Variants in HS6ST2 observed in about 807,000 individuals in gnomAD.
HS6ST2 encodes heparan-sulfate 6-O-sulfotransferase 2.
A neutral mutation model predicts 33.0 loss-of-function variants in HS6ST2; 17 were observed. The observed-to-expected ratio is 0.52, with a 90% CI of 0.35 to 0.77. The LOEUF (loss-of-function observed/expected upper bound fraction) is 0.77, where lower values mean the gene tolerates loss of function less well. Among genes scored for constraint, HS6ST2 ranks in the 30% least tolerant of loss-of-function variants. The probability of loss-of-function intolerance (pLI) is 0.01; values close to 1 mark genes in which losing one functional copy is unlikely to be tolerated. For synonymous variants in HS6ST2, 248 were observed against 237.1 expected, an observed-to-expected ratio of 1.05 and a Z score of -0.42; for missense variants, 519 against 551.7, an observed-to-expected ratio of 0.94 and a Z score of 0.59.
At chrX:132,831,114 T>C (rs1399172038) in intron 2 of HS6ST2, among the ~76,000 whole-genome samples, 1 of 111,344 alleles carries the variant, frequency 9.0e-6, no homozygotes, top group East Asian at 2.8e-4. Flanking sequence ...TTCCTTTAGG[T>C]CTCTGAGACC....
At chrX:132,958,137 G>C (rs2067107685) in intron 1 of HS6ST2, 38 bp downstream of exon 1, 1 of 1,085,117 alleles carries the variant, frequency 9.2e-7, no homozygotes, top group Admixed American at 3.5e-5. Flanking sequence ...TCGCGCCCTG[G>C]CCTGGGAGCG....
intron 4 of HS6ST2, among the ~76,000 whole-genome samples, chrX:132,637,774 A>AAT: frequency 1.4e-5 from 1 of 71,189 alleles, no homozygotes; most frequent in Admixed American, 2.2e-4. Context: ...TTATATATTT[A>AAT]TATATATAAT....
chrX:132,669,403 C>G (rs969484248), intron 3 of HS6ST2, among the ~76,000 whole-genome samples: 5 of 106,665 alleles, frequency 4.7e-5, no homozygotes, highest in African/African-American at 1.4e-4. Context: ...GTGGGAACCA[C>G]TGGTCAAGTT....
intron 4 of HS6ST2, among the ~76,000 whole-genome samples, chrX:132,649,459 A>G (rs1032712815): frequency 1.2e-4 from 13 of 112,158 alleles, no homozygotes; most frequent in African/African-American, 3.2e-4. Context: ...AGAAGACTGC[A>G]CCTTTCCTTA....
intron 2 of HS6ST2, among the ~76,000 whole-genome samples, chrX:132,952,044 TA>T (rs1449030381): frequency 2.7e-5 from 3 of 112,092 alleles, no homozygotes; most frequent in African/African-American, 9.7e-5. Context: ...GCTATTCTTT[TA>T]ATGTCATTAC....
chrX:132,685,524 G>T (rs1399472250), intron 3 of HS6ST2, among the ~76,000 whole-genome samples: 1 of 111,068 alleles, frequency 9.0e-6, no homozygotes. Flanking sequence ...ATGCATGCTG[G>T]TCCTCTCAAA....
chrX:132,909,127 A>C (rs1412831954), intron 2 of HS6ST2, among the ~76,000 whole-genome samples: 1 of 111,508 alleles, frequency 9.0e-6, no homozygotes, highest in African/African-American at 3.3e-5. Context: ...ATTAGAGACA[A>C]TGGGTAGCTA....
At chrX:132,757,068 G>A (rs1261660833) in intron 2 of HS6ST2, among the ~76,000 whole-genome samples, 3 of 111,692 alleles carry the variant, frequency 2.7e-5, no homozygotes, top group Non-Finnish European at 3.8e-5. Flanking sequence ...ACATAGATGT[G>A]TAATCTAACA....
intron 4 of HS6ST2, among the ~76,000 whole-genome samples, chrX:132,652,310 AGATGATC>A (rs2063699405): frequency 8.9e-6 from 1 of 112,104 alleles, no homozygotes; most frequent in South Asian, 3.8e-4. Context: ...TCTATCTCCA[AGATGATC>A]GATGACCCAA....
chrX:132,666,567 T>A (rs756535692), intron 4 of HS6ST2, among the ~76,000 whole-genome samples: 6 of 111,281 alleles, frequency 5.4e-5, no homozygotes, highest in Non-Finnish European at 1.1e-4. Context: ...TTCATGAGCT[T>A]TTGGTAGGCA....
intron 2 of HS6ST2, among the ~76,000 whole-genome samples, chrX:132,810,447 CAGAAAGAG>C (rs1237764218): frequency 9.2e-6 from 1 of 108,829 alleles, no homozygotes; most frequent in African/African-American, 3.4e-5. Context: ...AAGAGAGAGA[CAGAAAGAG>C]AGAAAGAGAG....
chrX:132,924,709 G>A (rs764450315), intron 2 of HS6ST2, among the ~76,000 whole-genome samples: 14 of 111,543 alleles, frequency 1.3e-4, no homozygotes, highest in South Asian at 7.6e-4. Context: ...AGTTGTTGAC[G>A]GGGCATGGTG....
chrX:132,859,937 G>A (rs977071349), intron 2 of HS6ST2, among the ~76,000 whole-genome samples: 4 of 105,570 alleles, frequency 3.8e-5, no homozygotes, highest in Non-Finnish European at 5.8e-5. Flanking sequence ...GAGGGAGGGA[G>A]GGAGGGAAAA....
At chrX:132,891,384 T>TA (rs756958078) in intron 2 of HS6ST2, among the ~76,000 whole-genome samples, 22 of 109,593 alleles carry the variant, frequency 2.0e-4, no homozygotes, top group Admixed American at 5.8e-4. Flanking sequence ...TTTTTTATTT[T>TA]TTTTTTTATT....
intron 3 of HS6ST2, among the ~76,000 whole-genome samples, chrX:132,695,493 G>A (rs1186404920): frequency 8.9e-6 from 1 of 111,758 alleles, no homozygotes; most frequent in Non-Finnish European, 1.9e-5. Context: ...TTTCCCAAAG[G>A]GGTACCTACT....
Position 132,628,145 on chromosome X carries a change from G to T in HS6ST2, c.*78C>A. On this transcript the variant is annotated 3_prime_UTR_variant, in exon 5 of 5. Coordinates refer to ENST00000370833, the MANE Select transcript of HS6ST2 (RefSeq NM_001394073.1). Reference sequence around the variant, plus strand: ...CCAATGAAGGAAGCAGGATGTGTTTGGACACTTTCATCTTTTAAGCTATGC... The same window carrying T: ...CCAATGAAGGAAGCAGGATGTGTTTTGACACTTTCATCTTTTAAGCTATGC... 1 of 747,267 alleles carries T rather than the reference G, an allele frequency of 1.3e-6. No homozygotes were observed. Among genetic ancestry groups the T allele is most frequent in the Non-Finnish European group, 1.9e-6 (1 of 520,485 alleles). 61.6% of individuals were successfully genotyped at this position (747,267 alleles called of 1,213,427 possible).
intron 3 of HS6ST2, among the ~76,000 whole-genome samples, chrX:132,671,152 C>G (rs1422005109): frequency 8.9e-6 from 1 of 112,575 alleles, no homozygotes; most frequent in Non-Finnish European, 1.9e-5. Context: ...ACCATCCTGG[C>G]TATCCTCCTC....
At position 132,628,456 on chromosome X, in the gene HS6ST2, G is replaced by A; in HGVS notation, c.1705C>T (p.His569Tyr). Residue 569 changes from histidine to tyrosine, a missense_variant, in exon 5 of 5, where the codon CAT (histidine) becomes TAT (tyrosine). Transcript: ENST00000370833. ...KFLKGRLLQTHFQSQGQGQSQ... is the reference protein window; with the variant it reads ...KFLKGRLLQTYFQSQGQGQSQ... ...TGGCCCTGACCCTGGCTCTGGAAAT[G>A]GGTCTGAAGGAGCCTTCCCTTCAGA... 8.3e-7 allele frequency: 1 copy of A among 1,210,492 alleles called. No homozygotes were observed. The highest frequency in any genetic ancestry group is 1.1e-6 in the Non-Finnish European group (1 of 894,783).
At chrX:132,823,004 C>T (rs1042035005) in intron 2 of HS6ST2, among the ~76,000 whole-genome samples, 4 of 112,632 alleles carry the variant, frequency 3.6e-5, no homozygotes, top group Non-Finnish European at 5.6e-5. Flanking sequence ...GGAACATGGA[C>T]TACGAAATAA....
Sources: gnomAD v4.1 joint callset for allele counts (sites outside exome capture counted in the v4.1 genomes callset) on GRCh38, gnomAD v4.1.1 for gene constraint, MANE v1.5 for transcripts, NCBI Gene and HGNC (gene_info 2026-07-23, HGNC 2026-07-21) for gene names.